The following ARL3 variants were observed in gnomAD, a reference collection of about 807,000 sequenced individuals.
ARL3 encodes the protein ARF like GTPase 3.
A neutral mutation model predicts 26.0 loss-of-function variants in ARL3; 9 were observed. The observed-to-expected ratio is 0.35, with a 90% CI of 0.21 to 0.60. ARL3 has a LOEUF of 0.60. ARL3 is among the 20% of genes least tolerant of loss of function. The pLI, the probability that ARL3 is intolerant of heterozygous loss-of-function variation, is 0.78. For missense variants in ARL3, 158 were observed against 215.7 expected (o/e 0.73, Z 1.67); for synonymous variants, 71 against 78.4 (o/e 0.91, Z 0.50).
chr10:102,688,792 C>T (rs913408764), intron 4 of ARL3, among the ~76,000 whole-genome samples: 4 of 152,130 alleles, frequency 2.6e-5, no homozygotes, highest in Admixed American at 6.5e-5. Flanking sequence ...CGCGAGCCAC[C>T]GCACCCAGCC....
chr10:102,692,547 C>T (rs1353385102), intron 3 of ARL3, among the ~76,000 whole-genome samples: 1 of 150,358 alleles, frequency 6.7e-6, no homozygotes, highest in Non-Finnish European at 1.5e-5. Context: ...TCTCGAGGAG[C>T]TGGGATTACA....
intron 1 of ARL3, among the ~76,000 whole-genome samples, chr10:102,709,191 C>T (rs2136010879): frequency 6.6e-6 from 1 of 151,886 alleles, no homozygotes; most frequent in South Asian, 2.1e-4. Context: ...CAAGAGTGAG[C>T]CACTGCACCC....
intron 3 of ARL3, among the ~76,000 whole-genome samples, chr10:102,694,051 G>A (rs1426695400): frequency 6.6e-6 from 1 of 151,182 alleles, no homozygotes; most frequent in Admixed American, 6.6e-5. Context: ...GCAGTGGTGT[G>A]ATCTCGGCTC....
intron 1 of ARL3, among the ~76,000 whole-genome samples, chr10:102,713,641 T>C (rs1309046667): frequency 6.6e-6 from 1 of 152,148 alleles, no homozygotes; most frequent in Non-Finnish European, 1.5e-5. Flanking sequence ...AACTAAATAA[T>C]TCGGGACTGA....
At position 102,680,700 on chromosome 10, in the gene ARL3, C is replaced by T. The variant is rs142963981; in HGVS notation, c.502-3759G>A. 1.1e-4 allele frequency among the ~76,000 whole-genome samples: 16 copies of T among 152,198 alleles called. No individual in the cohort carries two copies. In the East Asian group the frequency reaches 2.1e-3, roughly 20 times the overall value. On this transcript the variant is annotated intron_variant, in intron 5 of 5. Transcript: ENST00000260746. ...TCACTGCTCGGTAGCTGGAAGGAAG[C>T]GGTGGCAGCCATGGCTGTGTGGGCC...
chr10:102,684,895 G>A (rs946839094), intron 5 of ARL3, among the ~76,000 whole-genome samples: 4 of 150,976 alleles, frequency 2.6e-5, no homozygotes, highest in Admixed American at 6.6e-5. Context: ...CACCCGCCTC[G>A]GCCTCCCAAA....
intron 5 of ARL3, 71 bp from the exon 6 acceptor site, chr10:102,677,012 G>C: frequency 1.3e-6 from 2 of 1,548,152 alleles, no homozygotes; most frequent in Non-Finnish European, 1.8e-6. Context: ...AGCCTGGAGG[G>C]GCGGGCAGTG....
At chr10:102,708,416 G>T (rs1333984660) in intron 1 of ARL3, among the ~76,000 whole-genome samples, 1 of 152,124 alleles carries the variant, frequency 6.6e-6, no homozygotes, top group African/African-American at 2.4e-5. Flanking sequence ...TAAGTGAAAA[G>T]AAGAGGTCTC....
chr10:102,711,372 A>G lies in ARL3; in HGVS notation c.3+2901T>C, dbSNP rs144008585. ...TATATATGTATGTATATGTATCTGT[A>G]TATATATATGTATATATATGTATGT... On this transcript the variant is annotated intron_variant, in intron 1 of 5. Transcript: ENST00000260746. 2.6e-3 allele frequency among the ~76,000 whole-genome samples: 397 copies of G among 150,966 alleles called. 3 individuals carry two copies. Among genetic ancestry groups the G allele is most frequent in the African/African-American group, 9.2e-3 (380 of 41,092 alleles).
intron 1 of ARL3, among the ~76,000 whole-genome samples, chr10:102,706,878 G>A (rs1241013480): frequency 7.2e-5 from 11 of 152,074 alleles, no homozygotes; most frequent in Admixed American, 7.2e-4. Flanking sequence ...CGCCATGTTA[G>A]CCAGGCTGGT....
At chr10:102,695,376 T>C (rs1234886917) in intron 3 of ARL3, among the ~76,000 whole-genome samples, 1 of 152,196 alleles carries the variant, frequency 6.6e-6, no homozygotes, top group Non-Finnish European at 1.5e-5. Flanking sequence ...ATTTTGGGGG[T>C]GCTAAATGGT....
At chr10:102,689,864 G>T (rs2064207643) in intron 4 of ARL3, 29 bp downstream of exon 4, 8 of 1,435,456 alleles carry the variant, frequency 5.6e-6, no homozygotes, top group African/African-American at 1.4e-5. Flanking sequence ...ATATATATAA[G>T]AACTTTGATA....
chr10:102,695,897 TATCTC>T (rs1463025059), intron 3 of ARL3, among the ~76,000 whole-genome samples: 3 of 151,638 alleles, frequency 2.0e-5, no homozygotes, highest in Admixed American at 2.0e-4. Context: ...CACCTTATCT[TATCTC>T]ATCTTATCTT....
At chr10:102,693,063 G>A (rs564061694) in intron 3 of ARL3, among the ~76,000 whole-genome samples, 21 of 152,296 alleles carry the variant, frequency 1.4e-4, no homozygotes, top group Admixed American at 1.3e-3. Flanking sequence ...TACTATACGG[G>A]TGTACCACAG....
intron 1 of ARL3, among the ~76,000 whole-genome samples, chr10:102,713,474 T>C (rs187083629): frequency 4.7e-4 from 72 of 152,336 alleles, no homozygotes; most frequent in Admixed American, 3.1e-3. Context: ...TAAGATCTTT[T>C]GGTCCTGGTA....
intron 5 of ARL3, among the ~76,000 whole-genome samples, chr10:102,685,327 T>A (rs2064177808): frequency 6.6e-6 from 1 of 151,734 alleles, no homozygotes; most frequent in South Asian, 2.1e-4. Context: ...TGGGGCTTTC[T>A]GTCAGCAGAA....
intron 1 of ARL3, among the ~76,000 whole-genome samples, chr10:102,710,338 TTA>T (rs1436241204): frequency 6.6e-6 from 1 of 152,126 alleles, no homozygotes; most frequent in Admixed American, 6.6e-5. Flanking sequence ...AAGAGGATAT[TTA>T]TAGAGATCAG....
intron 3 of ARL3, among the ~76,000 whole-genome samples, chr10:102,696,165 C>T (rs192807114): frequency 0.012 from 1,821 of 151,350 alleles, 32 homozygotes; most frequent in African/African-American, 0.041. Context: ...GGGGTTTCAC[C>T]GTGTTAGCCA....
intron 5 of ARL3, among the ~76,000 whole-genome samples, chr10:102,684,918 C>G (rs2064174955): frequency 6.7e-6 from 1 of 149,822 alleles, no homozygotes; most frequent in Admixed American, 6.6e-5. Context: ...GCTGGGATTA[C>G]AGGCATGAGC....
Sources: allele counts gnomAD v4.1 joint callset (sites outside exome capture counted in the v4.1 genomes callset), GRCh38; gene constraint gnomAD v4.1.1; transcripts MANE v1.5; gene names NCBI Gene and HGNC (gene_info 2026-07-23, HGNC 2026-07-21).